SPATA3: variants seen among roughly 807,000 people sequenced by gnomAD.
The protein encoded by SPATA3 is spermatogenesis associated 3.
SPATA3 carries 6 observed loss-of-function variants against 5.7 expected under a neutral mutation model. That is an observed-to-expected ratio of 1.06 (90% CI 0.58 to 2.09). The LOEUF (loss-of-function observed/expected upper bound fraction) is 2.09. Ranked by LOEUF, SPATA3 falls within the 30% of genes most tolerant of loss-of-function variation. The pLI is 0.00. For missense variants in SPATA3, 155 were observed against 130.4 expected (o/e 1.19, Z -0.92); for synonymous variants, 44 against 48.4 (o/e 0.91, Z 0.37).
chr2:231,010,874 T>C (rs56112447), downstream of SPATA3, among the ~76,000 whole-genome samples: 65,591 of 148,938 alleles, frequency 0.44, 15,502 homozygotes, highest in African/African-American at 0.6. Context: ...TGGAGACCAG[T>C]CTGGGCAGCA....
chr2:231,002,838 C>T (rs774585971), downstream of SPATA3: 11 of 1,215,448 alleles, frequency 9.1e-6, no homozygotes, highest in South Asian at 4.1e-5. Context: ...GTATGTTGAG[C>T]GCTCTGTCCC....
At chr2:231,002,310 T>C (rs1574660198) in intron 2 of SPATA3, among the ~76,000 whole-genome samples, 1 of 152,200 alleles carries the variant, frequency 6.6e-6, no homozygotes, top group Non-Finnish European at 1.5e-5. Flanking sequence ...AGTTCCTTTC[T>C]CTCAATGGAG....
At chr2:231,012,181 C>T (rs186448531), downstream of SPATA3, among the ~76,000 whole-genome samples, 7 of 152,254 alleles carry the variant, frequency 4.6e-5, no homozygotes, top group East Asian at 1.9e-4. Context: ...CAGGGCTGAG[C>T]GAGAGATCCA....
intron 1 of SPATA3, among the ~76,000 whole-genome samples, chr2:230,998,910 A>G (rs1298898488): frequency 6.6e-6 from 1 of 152,234 alleles, no homozygotes; most frequent in African/African-American, 2.4e-5. Context: ...TATTAAGCAT[A>G]TTAGAAGCAC....
At chr2:231,012,896 C>G (rs919746018) in intron 5 of SPATA3, among the ~76,000 whole-genome samples, 1 of 152,128 alleles carries the variant, frequency 6.6e-6, no homozygotes, top group Non-Finnish European at 1.5e-5. Context: ...ACTCCCTTGC[C>G]CATCTCCCTT....
downstream of SPATA3, among the ~76,000 whole-genome samples, chr2:231,007,747 C>T (rs1692679025): frequency 6.6e-6 from 1 of 152,186 alleles, no homozygotes; most frequent in Non-Finnish European, 1.5e-5. Flanking sequence ...GTGGCTACAC[C>T]CAGCCAGTGC....
intron 6 of SPATA3, among the ~76,000 whole-genome samples, chr2:231,015,336 C>G (rs77092627): frequency 0.037 from 5,261 of 142,132 alleles, 121 homozygotes; most frequent in East Asian, 0.14. Context: ...CCTGCCTTGG[C>G]CTCCCAAAGT....
chr2:230,997,852 C>T (rs1022402076), intron 1 of SPATA3, among the ~76,000 whole-genome samples: 22 of 152,224 alleles, frequency 1.4e-4, no homozygotes, highest in African/African-American at 5.1e-4. Flanking sequence ...GTGTACCTAG[C>T]ATTCAGATCA....
chr2:231,010,192 G>A (rs1220678325), downstream of SPATA3, among the ~76,000 whole-genome samples: 2 of 152,226 alleles, frequency 1.3e-5, no homozygotes, highest in Non-Finnish European at 2.9e-5. Flanking sequence ...TAGGAGAAAG[G>A]CATACACATT....
At chr2:231,014,419 A>T (rs966640933) in intron 6 of SPATA3, among the ~76,000 whole-genome samples, 4 of 152,318 alleles carry the variant, frequency 2.6e-5, no homozygotes, top group African/African-American at 9.6e-5. Flanking sequence ...GTAATAGAGT[A>T]GTTTCTAATA....
intron 1 of SPATA3, among the ~76,000 whole-genome samples, chr2:231,000,029 G>T (rs559888370): frequency 4.9e-4 from 75 of 152,246 alleles, no homozygotes; most frequent in Middle Eastern, 3.4e-3. Context: ...CATCCTGAAG[G>T]TGTAAGCCAT....
chr2:231,005,532 T>TCAC (rs1692584024), downstream of SPATA3, among the ~76,000 whole-genome samples: 1 of 23,262 alleles, frequency 4.3e-5, no homozygotes. Flanking sequence ...ACCACCACCA[T>TCAC]CATCACCACC....
At chr2:231,015,343 A>T (rs1692903034) in intron 6 of SPATA3, among the ~76,000 whole-genome samples, 2 of 144,092 alleles carry the variant, frequency 1.4e-5, no homozygotes, top group South Asian at 4.3e-4. Flanking sequence ...TGGCCTCCCA[A>T]AGTGCTGGGA....
At chr2:231,017,591 C>T (rs1002930433) in intron 6 of SPATA3, among the ~76,000 whole-genome samples, 5 of 152,202 alleles carry the variant, frequency 3.3e-5, no homozygotes, top group African/African-American at 1.2e-4. Flanking sequence ...TTTGGATTAG[C>T]TTCCCTTGAA....
At chr2:231,007,787 C>A (rs1692680105), downstream of SPATA3, among the ~76,000 whole-genome samples, 1 of 152,230 alleles carries the variant, frequency 6.6e-6, no homozygotes. Flanking sequence ...AGCTCCTGAA[C>A]AGGCGACTCG....
At chr2:231,005,891 T>C (rs986832579), downstream of SPATA3, among the ~76,000 whole-genome samples, 11 of 151,276 alleles carry the variant, frequency 7.3e-5, no homozygotes, top group African/African-American at 2.7e-4. Context: ...TGGCTGGGAA[T>C]AGTGGCTCAA....
At chr2:231,013,748 G>A (rs1692854957) in intron 5 of SPATA3, 1 of 152,028 alleles carries the variant, frequency 6.6e-6, no homozygotes, top group South Asian at 2.1e-4. Context: ...CCTCAGTCTC[G>A]AAGGCATGTT....
chr2:231,005,096 C>CACCA (rs1692507551), downstream of SPATA3, among the ~76,000 whole-genome samples: 9 of 9,854 alleles, frequency 9.1e-4, no homozygotes, highest in Admixed American at 1.7e-3. Flanking sequence ...CATCACCATC[C>CACCA]TCATCACCAT....
At chr2:231,004,605 C>A (rs529104703), downstream of SPATA3, among the ~76,000 whole-genome samples, 1 of 152,132 alleles carries the variant, frequency 6.6e-6, no homozygotes, top group Non-Finnish European at 1.5e-5. Context: ...TGGATGCTGG[C>A]CACTGGCAAC....
Sources: allele counts gnomAD v4.1 joint callset (sites outside exome capture counted in the v4.1 genomes callset), GRCh38; gene constraint gnomAD v4.1.1; transcripts MANE v1.5; gene names NCBI Gene and HGNC (gene_info 2026-07-23, HGNC 2026-07-21).